The following NPFFR2 variants were observed in gnomAD, a reference collection of about 807,000 sequenced individuals.
The protein encoded by NPFFR2 is neuropeptide FF receptor 2.
NPFFR2 carries 15 observed loss-of-function variants against 13.1 expected under a neutral mutation model. The observed-to-expected ratio is 1.15, with a 90% CI of 0.77 to 1.76. The LOEUF (loss-of-function observed/expected upper bound fraction) is 1.76, where lower values mean the gene tolerates loss of function less well. NPFFR2 is among the 40% of genes most tolerant of loss of function. The pLI, the probability that NPFFR2 is intolerant of heterozygous loss-of-function variation, is 0.00. For missense variants in NPFFR2, 572 were observed against 503.5 expected (o/e 1.14, Z -1.30); for synonymous variants, 190 against 175.7 (o/e 1.08, Z -0.65).
chr4:72,146,891 G>A, intron 3 of NPFFR2, 87 bp from the exon 4 acceptor site: 3 of 843,864 alleles, frequency 3.6e-6, no homozygotes, highest in South Asian at 3.3e-5. Context: ...TAGGGTGAGA[G>A]GCCTGTAACT....
chr4:72,108,927 C>G lies in NPFFR2; in HGVS notation c.-7-19658C>G, dbSNP rs1473156377. On this transcript the variant is annotated intron_variant, in intron 1 of 3. Coordinates refer to ENST00000308744, the MANE Select transcript of NPFFR2 (RefSeq NM_004885.3). Reference sequence around the variant, plus strand: ...TCAATGGGAGGATTCAATCCAACCTCTCAAAGTGTTTCCTTTTCCTGGGAA... The same window carrying G: ...TCAATGGGAGGATTCAATCCAACCTGTCAAAGTGTTTCCTTTTCCTGGGAA... 6.6e-5 allele frequency among the ~76,000 whole-genome samples: 10 copies of G among 152,124 alleles called. 1 individual carries two copies. In the South Asian group the frequency reaches 2.1e-3, roughly 31 times the overall value.
At chr4:72,090,382 G>T (rs191404354) in intron 1 of NPFFR2, among the ~76,000 whole-genome samples, 1 of 152,002 alleles carries the variant, frequency 6.6e-6, no homozygotes, top group Admixed American at 6.6e-5. Flanking sequence ...ATTTTGATGT[G>T]AATTGCATTG....
intron 2 of NPFFR2, among the ~76,000 whole-genome samples, chr4:72,130,051 G>A (rs377214456): frequency 1.7e-3 from 243 of 146,290 alleles, no homozygotes; most frequent in African/African-American, 5.9e-3. Flanking sequence ...CAGAGAGCAC[G>A]GGGTTGGGGG....
At chr4:72,069,543 T>C (rs1264205861) in intron 1 of NPFFR2, among the ~76,000 whole-genome samples, 1 of 152,158 alleles carries the variant, frequency 6.6e-6, no homozygotes, top group Non-Finnish European at 1.5e-5. Flanking sequence ...GGTATGCCTA[T>C]GATCACTGCA....
At chr4:72,136,836 G>A (rs1722432318) in intron 2 of NPFFR2, among the ~76,000 whole-genome samples, 1 of 152,036 alleles carries the variant, frequency 6.6e-6, no homozygotes, top group Admixed American at 6.6e-5. Flanking sequence ...GCATCTAATT[G>A]GATTTATATA....
chr4:72,061,604 A>T (rs1225437216), intron 1 of NPFFR2, among the ~76,000 whole-genome samples: 53 of 152,268 alleles, frequency 3.5e-4, no homozygotes, highest in South Asian at 4.1e-4. Context: ...ATACTATATG[A>T]TAATGCCTGA....
At chr4:72,126,434 A>G (rs930660298) in intron 1 of NPFFR2, among the ~76,000 whole-genome samples, 1 of 152,234 alleles carries the variant, frequency 6.6e-6, no homozygotes, top group African/African-American at 2.4e-5. Flanking sequence ...TGTTCAATTA[A>G]TTAACAAGGT....
intron 2 of NPFFR2, among the ~76,000 whole-genome samples, chr4:72,135,614 A>G (rs1164952468): frequency 6.6e-6 from 1 of 152,080 alleles, no homozygotes; most frequent in Non-Finnish European, 1.5e-5. Flanking sequence ...AGTATCATGT[A>G]CATGTTTCAC....
At chr4:72,100,358 AGC>A (rs1277686539) in intron 1 of NPFFR2, among the ~76,000 whole-genome samples, 1 of 152,106 alleles carries the variant, frequency 6.6e-6, no homozygotes, top group Non-Finnish European at 1.5e-5. Context: ...AATATGTATA[AGC>A]TACTTAATCT....
At chr4:72,085,475 A>G (rs1720741583) in intron 1 of NPFFR2, among the ~76,000 whole-genome samples, 1 of 152,080 alleles carries the variant, frequency 6.6e-6, no homozygotes, top group Non-Finnish European at 1.5e-5. Flanking sequence ...TTTCTCTTAC[A>G]TGCCTTAATC....
intron 1 of NPFFR2, among the ~76,000 whole-genome samples, chr4:72,108,207 C>T (rs994433709): frequency 2.0e-5 from 3 of 151,886 alleles, no homozygotes; most frequent in Non-Finnish European, 4.4e-5. Flanking sequence ...ATGACAGTTT[C>T]CAGGGAGTCA....
intron 1 of NPFFR2, among the ~76,000 whole-genome samples, chr4:72,066,997 C>T (rs772319208): frequency 1.1e-4 from 16 of 152,090 alleles, no homozygotes; most frequent in African/African-American, 2.9e-4. Flanking sequence ...CCCAACCCCT[C>T]GGCTCTGCTG....
intron 2 of NPFFR2, among the ~76,000 whole-genome samples, chr4:72,131,971 T>TAAA (rs3062262): frequency 0.47 from 71,510 of 151,318 alleles, 18,500 homozygotes; most frequent in East Asian, 0.78. Context: ...TACAAATTGA[T>TAAA]AATTATTGTT....
At chr4:72,050,267 C>T (rs557580944) in intron 1 of NPFFR2, among the ~76,000 whole-genome samples, 3 of 151,942 alleles carry the variant, frequency 2.0e-5, no homozygotes, top group South Asian at 2.1e-4. Flanking sequence ...TTGACATTAA[C>T]CAGAAGACAG....
chr4:72,131,556 C>A (rs957152932), intron 2 of NPFFR2, among the ~76,000 whole-genome samples: 17 of 151,806 alleles, frequency 1.1e-4, no homozygotes, highest in African/African-American at 4.1e-4. Context: ...TGTAACTAAC[C>A]TGCACAATGT....
At chr4:72,036,710 C>T (rs924662961) in intron 1 of NPFFR2, among the ~76,000 whole-genome samples, 1 of 151,366 alleles carries the variant, frequency 6.6e-6, no homozygotes, top group African/African-American at 2.4e-5. Context: ...CAGCCATAGA[C>T]AGACTAATCT....
chr4:72,065,510 GATCA>G (rs200316042), intron 1 of NPFFR2, among the ~76,000 whole-genome samples: 1,799 of 152,228 alleles, frequency 0.012, 16 homozygotes, highest in Middle Eastern at 0.024. Flanking sequence ...AGAAACTCCT[GATCA>G]TATGTTAGTA....
chr4:72,093,673 TC>T (rs1406738733), intron 1 of NPFFR2, among the ~76,000 whole-genome samples: 1 of 151,210 alleles, frequency 6.6e-6, no homozygotes, highest in African/African-American at 2.5e-5. Flanking sequence ...GTACTTGATT[TC>T]CAGATGTTGT....
At chr4:72,116,242 A>C (rs1721707935) in intron 1 of NPFFR2, among the ~76,000 whole-genome samples, 1 of 152,128 alleles carries the variant, frequency 6.6e-6, no homozygotes, top group South Asian at 2.1e-4. Flanking sequence ...TGTTTATTTC[A>C]CTAGATTATA....
Sources: allele counts gnomAD v4.1 joint callset (sites outside exome capture counted in the v4.1 genomes callset), GRCh38; gene constraint gnomAD v4.1.1; transcripts MANE v1.5; gene names NCBI Gene and HGNC (gene_info 2026-07-23, HGNC 2026-07-21).